Variants in SYT14 observed in about 807,000 individuals in gnomAD.
SYT14 encodes synaptotagmin 14.
Under a neutral mutation model 74.2 loss-of-function variants are expected in SYT14, and 32 were observed. The ratio of observed to expected loss-of-function variants is 0.43; its 90% CI spans 0.33 to 0.58. The LOEUF (loss-of-function observed/expected upper bound fraction) is 0.58. Among genes scored for constraint, SYT14 ranks in the 20% least tolerant of loss-of-function variants. The probability of loss-of-function intolerance (pLI) is 0.05; values close to 1 mark genes in which losing one functional copy is unlikely to be tolerated. For missense variants in SYT14, 791 were observed against 981.8 expected, an observed-to-expected ratio of 0.81 and a Z score of 2.60; for synonymous variants, 298 against 337.7, an observed-to-expected ratio of 0.88 and a Z score of 1.29.
chr1:210,059,281 A>T (rs1278706911), intron 5 of SYT14, among the ~76,000 whole-genome samples: 1 of 151,842 alleles, frequency 6.6e-6, no homozygotes, highest in Non-Finnish European at 1.5e-5. Context: ...AAAATTTCCC[A>T]TGCAAAAAAT....
chr1:210,077,136 C>T (rs2081516683), intron 5 of SYT14, among the ~76,000 whole-genome samples: 1 of 151,722 alleles, frequency 6.6e-6, no homozygotes, highest in Non-Finnish European at 1.5e-5. Flanking sequence ...AGCATGATGC[C>T]AGCATCTTCT....
rs200153846 is a variant in SYT14, at chr1:209,986,612, CAA to C, written c.-485-27008_-485-27007del. Among the ~76,000 whole-genome samples the C allele has an allele frequency of 0.016, 2,252 of 140,034 alleles. 161 individuals carry two copies. In the East Asian group the frequency reaches 0.24, roughly 15 times the overall value. 91.9% of individuals were successfully genotyped at this position (140,034 alleles called of 152,430 possible). ...TGGGTGATAGCATGAGACTCCGTCTCAAAAAAAAAAAAAATTTCTTCCGCCAG... is the reference window on the plus strand; with the variant it reads ...TGGGTGATAGCATGAGACTCCGTCTCAAAAAAAAAAAATTTCTTCCGCCAG... On this transcript the variant is annotated intron_variant, in intron 2 of 9. Coordinates refer to ENST00000637265, the Ensembl canonical transcript of SYT14.
intron 7 of SYT14, among the ~76,000 whole-genome samples, chr1:210,115,052 C>T (rs186718091): frequency 6.6e-6 from 1 of 151,212 alleles, no homozygotes; most frequent in East Asian, 1.9e-4. Context: ...AATGCCTGGA[C>T]ATCAGGCATC....
chr1:209,992,463 A>C (rs1439980332), intron 2 of SYT14, among the ~76,000 whole-genome samples: 2 of 152,190 alleles, frequency 1.3e-5, no homozygotes, highest in Admixed American at 1.3e-4. Flanking sequence ...TCTCATGGGT[A>C]AGTGGGAGAT....
At chr1:210,071,804 T>C (rs1026966630) in intron 5 of SYT14, among the ~76,000 whole-genome samples, 2 of 152,050 alleles carry the variant, frequency 1.3e-5, no homozygotes, top group African/African-American at 4.8e-5. Context: ...GATTCCATTT[T>C]GCAGTGATGT....
At chr1:210,061,451 C>T (rs1463881533) in intron 5 of SYT14, among the ~76,000 whole-genome samples, 1 of 151,788 alleles carries the variant, frequency 6.6e-6, no homozygotes, top group Non-Finnish European at 1.5e-5. Flanking sequence ...TCTTAGTAGC[C>T]TCAAAAATAG....
chr1:209,950,377 A>C (rs1270377166), intron 1 of SYT14, among the ~76,000 whole-genome samples: 1 of 152,180 alleles, frequency 6.6e-6, no homozygotes, highest in Non-Finnish European at 1.5e-5. Flanking sequence ...AATTTGGTAA[A>C]TATCCAGTCA....
intron 5 of SYT14, among the ~76,000 whole-genome samples, chr1:210,032,408 G>A (rs1159092900): frequency 1.3e-5 from 2 of 151,926 alleles, no homozygotes; most frequent in African/African-American, 2.4e-5. Flanking sequence ...TCCCACACCA[G>A]GTATCTCTTA....
exon 10 of SYT14, chr1:210,163,975 T>TA: frequency 2.2e-6 from 1 of 452,678 alleles, no homozygotes; most frequent in Non-Finnish European, 4.4e-6. Flanking sequence ...AATAAAATGA[T>TA]ATAGTCCAAA....
At chr1:210,156,129 T>C (rs1198490525) in intron 8 of SYT14, among the ~76,000 whole-genome samples, 1 of 152,192 alleles carries the variant, frequency 6.6e-6, no homozygotes, top group Non-Finnish European at 1.5e-5. Flanking sequence ...TAATTTTTCA[T>C]AGTATCTGCA....
intron 4 of SYT14, among the ~76,000 whole-genome samples, chr1:210,019,131 C>CAAA (rs1215149823): frequency 0.12 from 6,733 of 56,320 alleles, 727 homozygotes; most frequent in Non-Finnish European, 0.15. Flanking sequence ...TGAGACTCCT[C>CAAA]AAAAAAAAAA....
intron 2 of SYT14, among the ~76,000 whole-genome samples, chr1:210,000,962 C>A (rs1310221433): frequency 2.0e-5 from 3 of 152,004 alleles, no homozygotes; most frequent in Admixed American, 6.6e-5. Context: ...TATTTTAAGA[C>A]TGAATTATGT....
chr1:210,081,455 T>C (rs189411695), intron 5 of SYT14, among the ~76,000 whole-genome samples: 1 of 152,314 alleles, frequency 6.6e-6, no homozygotes, highest in Admixed American at 6.5e-5. Flanking sequence ...CATATAAGTG[T>C]TATGTTTATA....
intron 5 of SYT14, among the ~76,000 whole-genome samples, chr1:210,032,982 GA>G (rs1242453218): frequency 6.6e-6 from 1 of 151,580 alleles, no homozygotes; most frequent in Non-Finnish European, 1.5e-5. Flanking sequence ...GGATCATTCA[GA>G]TATTCTTTCT....
chr1:210,040,671 A>G (rs1275358895), intron 5 of SYT14, among the ~76,000 whole-genome samples: 3 of 152,188 alleles, frequency 2.0e-5, no homozygotes, highest in Non-Finnish European at 4.4e-5. Flanking sequence ...GAACTTAGTA[A>G]GAATTAATTC....
At chr1:210,053,249 A>G (rs897164119) in intron 5 of SYT14, among the ~76,000 whole-genome samples, 4 of 152,240 alleles carry the variant, frequency 2.6e-5, no homozygotes, top group Non-Finnish European at 5.9e-5. Context: ...AATGCCTGCT[A>G]TGCTATGCAC....
Position 209,970,676 on chromosome 1 carries a change from T to A in SYT14, c.-486+17920T>A, listed in dbSNP as rs1308871007. Among the ~76,000 whole-genome samples, 322 of 39,026 alleles carry A rather than the reference T, an allele frequency of 8.3e-3. 9 individuals carry two copies. Among genetic ancestry groups the A allele is most frequent in the African/African-American group, 0.018 (297 of 16,774 alleles). The allele number at this position is 39,026 out of a possible 152,430, so 25.6% of individuals were successfully genotyped here. ...GGGCAGTATGGCTTTTTTTTTTTTT[T>A]TTTTTTTTTTTTTTTTTTTTTTTTT... On this transcript the variant is annotated intron_variant, in intron 2 of 9. Coordinates refer to ENST00000637265, the Ensembl canonical transcript of SYT14.
chr1:210,050,290 C>G (rs1439039088), intron 5 of SYT14, among the ~76,000 whole-genome samples: 3 of 152,196 alleles, frequency 2.0e-5, no homozygotes, highest in Non-Finnish European at 4.4e-5. Context: ...TAAAACATAA[C>G]AAGAGTCACC....
Position 210,034,422 on chromosome 1 carries a change from AT to A in SYT14, c.1312+13172del, listed in dbSNP as rs2080610303. ...TCATTATAGAAAAATCAGAAGTTAA[AT>A]TTTATATAAATATATATACATATAT... On this transcript the variant is annotated intron_variant, in intron 5 of 9. Transcript: ENST00000637265. Among the ~76,000 whole-genome samples, 6 of 151,712 alleles carry A rather than the reference AT, an allele frequency of 4.0e-5. No individual in the cohort carries two copies. In the South Asian group the frequency reaches 1.2e-3, roughly 32 times the overall value.
Sources: gnomAD v4.1 joint callset for allele counts (sites outside exome capture counted in the v4.1 genomes callset) on GRCh38, gnomAD v4.1.1 for gene constraint, MANE v1.5 for transcripts, NCBI Gene and HGNC (gene_info 2026-07-23, HGNC 2026-07-21) for gene names.